The following APTX variants were observed in gnomAD, a reference collection of about 807,000 sequenced individuals.
The protein encoded by APTX is aprataxin.
Under a neutral mutation model 42.3 loss-of-function variants are expected in APTX, and 33 were observed. The ratio of observed to expected loss-of-function variants is 0.78; its 90% CI spans 0.59 to 1.04. The LOEUF is 1.04. Ranked by LOEUF, APTX falls within the 50% of genes least tolerant of loss-of-function variation. The pLI is 0.00. For synonymous variants in APTX, 130 were observed against 146.7 expected, an observed-to-expected ratio of 0.89 and a Z score of 0.82; for missense variants, 421 against 415.1, an observed-to-expected ratio of 1.01 and a Z score of -0.12.
intron 4 of APTX, among the ~76,000 whole-genome samples, chr9:32,987,287 T>G (rs1832415594): frequency 6.6e-6 from 1 of 152,238 alleles, no homozygotes; most frequent in Non-Finnish European, 1.5e-5. Context: ...CATAAACAAC[T>G]GATCCACTTT....
chr9:33,018,363 T>A (rs1838074925), intron 1 of APTX, among the ~76,000 whole-genome samples: 2 of 151,818 alleles, frequency 1.3e-5, no homozygotes, highest in Admixed American at 1.3e-4. Flanking sequence ...AGGTCAGGAT[T>A]TTGAGACCAG....
At chr9:33,010,383 G>A (rs1837455124) in intron 1 of APTX, among the ~76,000 whole-genome samples, 1 of 152,156 alleles carries the variant, frequency 6.6e-6, no homozygotes, top group East Asian at 1.9e-4. Context: ...CTACATGTCA[G>A]GAATCACTCT....
At chr9:33,022,569 C>T (rs948565780) in intron 1 of APTX, among the ~76,000 whole-genome samples, 1 of 152,194 alleles carries the variant, frequency 6.6e-6, no homozygotes, top group Non-Finnish European at 1.5e-5. Flanking sequence ...GCTGTATTTG[C>T]TAATTTCTCT....
rs377365362 is a variant in APTX at position 32,972,645 on chromosome 9, AAG to A, written c.*851_*852del. ...TTATCCAAATTTATTCTCAGGGAAAAAGAAAGTAGTGGCTCTACGCAACTTTT... is the reference window on the plus strand; with the variant it reads ...TTATCCAAATTTATTCTCAGGGAAAAAAAGTAGTGGCTCTACGCAACTTTT... On this transcript the variant is annotated 3_prime_UTR_variant, in exon 8 of 8. Transcript: ENST00000379817. The A allele has an allele frequency of 1.3e-3, 521 of 405,958 alleles. 1 individual carries two copies. The highest frequency in any genetic ancestry group is 0.01 in the African/African-American group (488 of 48,136). 25.1% of individuals were successfully genotyped at this position (405,958 alleles called of 1,614,324 possible). A position where few individuals can be genotyped will look rare whatever the true frequency, so the allele number is the denominator to read the frequency against.
At chr9:33,000,625 C>CAAAAA (rs60760701) in intron 1 of APTX, among the ~76,000 whole-genome samples, 442 of 61,530 alleles carry the variant, frequency 7.2e-3, no homozygotes, top group Middle Eastern at 0.01. Context: ...GACTCTGTCT[C>CAAAAA]AAAAAAAAAA....
chr9:33,001,291 C>T (rs768256395), intron 1 of APTX: 15 of 1,483,726 alleles, frequency 1.0e-5, no homozygotes, highest in African/African-American at 1.4e-5. Context: ...AGGGCCCATT[C>T]TCTAATATTT....
chr9:33,006,890 C>T (rs779949083), intron 1 of APTX, among the ~76,000 whole-genome samples: 1 of 148,294 alleles, frequency 6.7e-6, no homozygotes, highest in Non-Finnish European at 1.5e-5. Flanking sequence ...GTCCCAGCTA[C>T]TTGGGAGGCT....
rs374663770 is a variant in APTX at position 32,986,059 on chromosome 9, A to C, written c.484-29T>G. On this transcript the variant is annotated intron_variant, in intron 4 of 7. Transcript: ENST00000379817. Reference sequence around the variant, plus strand: ...AAAAAAAAACAAAAAAAAAAACAAAAAAAAAAAAAAACAAGCAATGTAAAT... The same window carrying C: ...AAAAAAAAACAAAAAAAAAAACAAACAAAAAAAAAAACAAGCAATGTAAAT... The C allele has an allele frequency of 4.9e-3, 6,075 of 1,239,868 alleles. 37 individuals carry two copies. Among genetic ancestry groups the C allele is most frequent in the South Asian group, 0.011 (867 of 79,230 alleles). 76.8% of individuals were successfully genotyped at this position (1,239,868 alleles called of 1,614,324 possible).
intron 2 of APTX, among the ~76,000 whole-genome samples, chr9:32,988,428 C>T (rs1331634852): frequency 6.6e-6 from 1 of 152,170 alleles, no homozygotes; most frequent in Non-Finnish European, 1.5e-5. Flanking sequence ...TCCAGAACCC[C>T]TGGCCTGCTC....
chr9:33,011,652 T>C (rs1837553099), intron 1 of APTX, among the ~76,000 whole-genome samples: 1 of 152,206 alleles, frequency 6.6e-6, no homozygotes, highest in South Asian at 2.1e-4. Context: ...AGAGAGGGAA[T>C]GGTTTCCAAT....
Position 32,993,712 on chromosome 9 carries a change from T to C in APTX, c.-4-3817A>G, listed in dbSNP as rs371290908. 4.7e-5 allele frequency among the ~76,000 whole-genome samples: 7 copies of C among 149,448 alleles called. No individual in the cohort carries two copies. The South Asian group carries it at 1.5e-3, about 32-fold the overall frequency. On this transcript the variant is annotated intron_variant, in intron 1 of 7. Transcript: ENST00000379817. ...AAATCCCAATTCTCTATTTTTCACC[T>C]CTATATCTTTTTTTTTTTTTTTTTT... is the stretch of plus-strand genomic sequence containing the variant.
At chr9:33,017,632 A>G (rs1837996024) in intron 1 of APTX, among the ~76,000 whole-genome samples, 2 of 152,224 alleles carry the variant, frequency 1.3e-5, no homozygotes, top group South Asian at 2.1e-4. Flanking sequence ...CTTAGAGTCA[A>G]TAATTTGCTA....
chr9:33,004,931 C>T (rs1422983386), upstream of APTX, among the ~76,000 whole-genome samples: 1 of 151,926 alleles, frequency 6.6e-6, no homozygotes, highest in Non-Finnish European at 1.5e-5. Flanking sequence ...TGAGCCACTG[C>T]GCCCGGCCGC....
chr9:33,022,496 G>C (rs1446342143), intron 1 of APTX, among the ~76,000 whole-genome samples: 1 of 152,176 alleles, frequency 6.6e-6, no homozygotes, highest in Non-Finnish European at 1.5e-5. Context: ...CTACATTCAT[G>C]TTGACTCAGC....
At chr9:33,012,124 A>C (rs1235127735) in intron 1 of APTX, among the ~76,000 whole-genome samples, 1 of 152,178 alleles carries the variant, frequency 6.6e-6, no homozygotes, top group African/African-American at 2.4e-5. Context: ...ACGTTTAACC[A>C]CAGTAAAACT....
At chr9:32,986,794 C>T (rs1052957859) in intron 4 of APTX, among the ~76,000 whole-genome samples, 1 of 151,652 alleles carries the variant, frequency 6.6e-6, no homozygotes, top group East Asian at 1.9e-4. Context: ...AGCCAGCACA[C>T]CCAGCTGTTT....
At position 32,974,479 on chromosome 9, in the gene APTX, C is replaced by T. The variant is rs1828846033; in HGVS notation, c.853G>A (p.Glu285Lys). 8 of 1,596,822 alleles carry T rather than the reference C, an allele frequency of 5.0e-6. No individual in the cohort carries two copies. The East Asian group carries it at 1.8e-4, about 36-fold the overall frequency. ...TTACCTTGTGATTCTAGGAAGTATT[C>T]TGTATTGAAAGAATTCCAATGTTTT... ...NKKHWNSFNTEYFLESQAVIE... is the reference protein window; with the variant it reads ...NKKHWNSFNTKYFLESQAVIE... Residue 285 changes from glutamate (E) to lysine (K), a missense_variant, in exon 7 of 8, where the codon GAA (glutamate) becomes AAA (lysine). Transcript: ENST00000379817.
intron 4 of APTX, 44 bp downstream of exon 4, chr9:32,987,500 T>G: frequency 6.2e-7 from 1 of 1,609,216 alleles, no homozygotes; most frequent in Non-Finnish European, 8.5e-7. Flanking sequence ...AGTCATTATA[T>G]TTCATTTCTT....
At chr9:32,997,186 A>G (rs1049810093) in intron 1 of APTX, 5 of 152,198 alleles carry the variant, frequency 3.3e-5, no homozygotes, top group African/African-American at 4.8e-5. Flanking sequence ...ATAAAGAGAT[A>G]ATATATGAGC....
Sources: allele counts gnomAD v4.1 joint callset (sites outside exome capture counted in the v4.1 genomes callset), GRCh38; gene constraint gnomAD v4.1.1; transcripts MANE v1.5; gene names NCBI Gene and HGNC (gene_info 2026-07-23, HGNC 2026-07-21).